NEBL: variants seen among roughly 807,000 people sequenced by gnomAD.
NEBL encodes the protein LIM and SH3 protein 2.
NEBL carries 122 observed loss-of-function variants against 140.2 expected under a neutral mutation model. That is an observed-to-expected ratio of 0.87 (90% CI 0.75 to 1.01). The LOEUF (loss-of-function observed/expected upper bound fraction) is 1.01. Ranked by LOEUF, NEBL falls within the 50% of genes least tolerant of loss-of-function variation. The pLI, the probability that NEBL is intolerant of heterozygous loss-of-function variation, is 0.00. For synonymous variants in NEBL, 436 were observed against 398.9 expected (o/e 1.09, Z -1.11); for missense variants, 1,365 against 1,231.3 (o/e 1.11, Z -1.62).
intron 1 of NEBL, among the ~76,000 whole-genome samples, chr10:21,282,435 G>T (rs1188299958): frequency 6.6e-6 from 1 of 152,134 alleles, no homozygotes; most frequent in African/African-American, 2.4e-5. Flanking sequence ...GTCAGGGAAT[G>T]ATGCCAAGGA....
chr10:21,001,021 A>G (rs558334226), intron 3 of NEBL, among the ~76,000 whole-genome samples: 6 of 152,216 alleles, frequency 3.9e-5, no homozygotes, highest in African/African-American at 9.6e-5. Context: ...TGCACACCCA[A>G]TCATCTGCAG....
At chr10:21,242,025 A>G (rs1588554542) in intron 3 of NEBL, among the ~76,000 whole-genome samples, 1 of 152,026 alleles carries the variant, frequency 6.6e-6, no homozygotes, top group East Asian at 1.9e-4. Context: ...AACATAGTGA[A>G]ACCCCATGTG....
intron 2 of NEBL, among the ~76,000 whole-genome samples, chr10:20,892,798 C>T (rs1847138507): frequency 2.6e-5 from 4 of 152,260 alleles, no homozygotes; most frequent in Middle Eastern, 3.4e-3. Context: ...GAGATGTTTG[C>T]GGATCTTTCC....
At chr10:21,110,701 T>C in intron 2 of NEBL, 3 of 492,676 alleles carry the variant, frequency 6.1e-6, no homozygotes, top group Non-Finnish European at 1.2e-5. Context: ...TCAGTGGACA[T>C]GGACATGAGC....
In NEBL at chr10:20,780,166, G is replaced by A. The variant is rs1834935028; in HGVS notation, c.*5581C>T. ...AATTATGGGAAGCGTAGTGGGGGGA[G>A]AAAAGCAATTGTGTTCTGTGATAAA... is the stretch of plus-strand genomic sequence containing the variant. On this transcript the variant is annotated 3_prime_UTR_variant, in exon 28 of 28. Transcript: ENST00000377122. 1 of 152,164 alleles carries A rather than the reference G, an allele frequency of 6.6e-6. No individual in the cohort carries two copies. Among genetic ancestry groups the A allele is most frequent in the South Asian group, 2.1e-4 (1 of 4,830 alleles). 9.4% of individuals were successfully genotyped at this position (152,164 alleles called of 1,614,324 possible).
intron 19 of NEBL, 120 bp downstream of exon 19, chr10:20,823,088 G>T: frequency 1.4e-6 from 1 of 722,786 alleles, no homozygotes; most frequent in Non-Finnish European, 2.3e-6. Context: ...CACTTTTAAG[G>T]AACCGATCCT....
At chr10:20,918,457 T>C (rs890319906) in intron 4 of NEBL, among the ~76,000 whole-genome samples, 2 of 152,192 alleles carry the variant, frequency 1.3e-5, no homozygotes, top group Non-Finnish European at 2.9e-5. Flanking sequence ...AGTAGTGAAA[T>C]AATAAAGATT....
At chr10:20,913,618 CA>C (rs1848420263) in intron 4 of NEBL, among the ~76,000 whole-genome samples, 1 of 152,088 alleles carries the variant, frequency 6.6e-6, no homozygotes, top group South Asian at 2.1e-4. Context: ...AATATCGTAT[CA>C]GGAATTGTTA....
Position 20,880,774 on chromosome 10 carries a change from T to C in NEBL, c.480+20A>G. 1.9e-6 allele frequency: 3 copies of C among 1,560,042 alleles called. No homozygotes were observed. The highest frequency in any genetic ancestry group is 2.7e-6 in the Non-Finnish European group (3 of 1,130,914). Reference sequence around the variant, plus strand: ...TTAACTACAGTTCGCTAGAAAATCATGAGAAATGCGCTTCCTTACATTACT... The same window carrying C: ...TTAACTACAGTTCGCTAGAAAATCACGAGAAATGCGCTTCCTTACATTACT... On this transcript the variant is annotated intron_variant, in intron 5 of 27. Coordinates refer to ENST00000377122, the MANE Select transcript of NEBL (RefSeq NM_006393.3).
In NEBL at chr10:20,782,393, T is replaced by G. The variant is rs1208961644; in HGVS notation, c.*3354A>C. ...AAGATCACACACATTTTCTTCATCTTTTATTGAAAACATTCCACTGGAGAT... is the reference window on the plus strand; with the variant it reads ...AAGATCACACACATTTTCTTCATCTGTTATTGAAAACATTCCACTGGAGAT... On this transcript the variant is annotated 3_prime_UTR_variant, in exon 28 of 28. Coordinates refer to ENST00000377122, the MANE Select transcript of NEBL (RefSeq NM_006393.3). The G allele has an allele frequency of 6.6e-6, 1 of 152,646 alleles. No individual in the cohort carries two copies. The highest frequency in any genetic ancestry group is 1.5e-5 in the Non-Finnish European group (1 of 68,032). 9.5% of individuals were successfully genotyped at this position (152,646 alleles called of 1,614,324 possible).
intron 13 of NEBL, among the ~76,000 whole-genome samples, chr10:20,837,980 A>C (rs1841050999): frequency 6.6e-6 from 1 of 152,204 alleles, no homozygotes; most frequent in Non-Finnish European, 1.5e-5. Context: ...GTTCAGTTAC[A>C]ATGCACCTGG....
intron 2 of NEBL, among the ~76,000 whole-genome samples, chr10:21,074,277 A>G (rs2131913486): frequency 6.6e-6 from 1 of 151,616 alleles, no homozygotes; most frequent in African/African-American, 2.4e-5. Context: ...CCATATGTTT[A>G]CTCTACACAT....
intron 1 of NEBL, among the ~76,000 whole-genome samples, chr10:21,257,024 C>T (rs1842666777): frequency 6.6e-6 from 1 of 152,210 alleles, no homozygotes; most frequent in Non-Finnish European, 1.5e-5. Context: ...GTGGGAATAA[C>T]AACACTATGA....
At chr10:21,189,050 G>A (rs2132214816) in intron 3 of NEBL, among the ~76,000 whole-genome samples, 1 of 152,230 alleles carries the variant, frequency 6.6e-6, no homozygotes, top group African/African-American at 2.4e-5. Flanking sequence ...AACTATAGTA[G>A]ATTGAATGGT....
chr10:21,195,665 CCTCT>C (rs926351575), intron 3 of NEBL, among the ~76,000 whole-genome samples: 3 of 152,158 alleles, frequency 2.0e-5, no homozygotes, highest in Non-Finnish European at 4.4e-5. Flanking sequence ...TACCTCCCTC[CCTCT>C]CTCTCCTTAG....
chr10:20,850,482 A>G lies in NEBL; in HGVS notation c.1029T>C (p.Tyr343=). 1.9e-6 allele frequency: 3 copies of G among 1,605,126 alleles called. No homozygotes were observed. The highest frequency in any genetic ancestry group is 2.6e-6 in the Non-Finnish European group (3 of 1,172,026). Residue 343 remains tyrosine (Y), a synonymous_variant, in exon 11 of 28, where the codon TAT becomes TAC. Coordinates refer to ENST00000377122, the MANE Select transcript of NEBL (RefSeq NM_006393.3). ...LQSQVKYKEE[Y]EKNKGKPMLE... ...GCATTGGCTTTCCCTTATTTTTCTC[A>G]TATTCTTCTTTATATTTCACCTTCA...
chr10:21,140,875 G>C (rs1009054367), intron 2 of NEBL, among the ~76,000 whole-genome samples: 11 of 151,878 alleles, frequency 7.2e-5, no homozygotes, highest in Non-Finnish European at 1.5e-4. Context: ...GGGTTGATAG[G>C]TGCAGCAAAC....
intron 2 of NEBL, among the ~76,000 whole-genome samples, chr10:20,896,159 T>G (rs927391992): frequency 4.6e-5 from 7 of 152,136 alleles, no homozygotes; most frequent in Non-Finnish European, 1.0e-4. Context: ...CACAGGCACA[T>G]ATTCACTTTA....
intron 3 of NEBL, among the ~76,000 whole-genome samples, chr10:21,239,438 A>AC (rs1421659612): frequency 6.6e-6 from 1 of 151,892 alleles, no homozygotes; most frequent in African/African-American, 2.4e-5. Flanking sequence ...ATGCTGTCCC[A>AC]CTCTGCACCC....
Sources: allele counts gnomAD v4.1 joint callset (sites outside exome capture counted in the v4.1 genomes callset), GRCh38; gene constraint gnomAD v4.1.1; transcripts MANE v1.5; gene names NCBI Gene and HGNC (gene_info 2026-07-23, HGNC 2026-07-21).